The following EDA variants were observed in gnomAD, a reference collection of about 807,000 sequenced individuals.
The protein encoded by EDA is ectodysplasin-A.
A neutral mutation model predicts 23.6 loss-of-function variants in EDA; 2 were observed. That is an observed-to-expected ratio of 0.08 (90% CI 0.03 to 0.27). The LOEUF is 0.27. Ranked by LOEUF, EDA falls within the 10% of genes least tolerant of loss-of-function variation. The pLI is 1.00. For synonymous variants in EDA, 131 were observed against 132.0 expected (o/e 0.99, Z 0.05); for missense variants, 229 against 324.2 (o/e 0.71, Z 2.26).
At position 69,919,426 on chromosome X, in the gene EDA, G is replaced by A. The variant is rs192333532; in HGVS notation, c.397-37601G>A. Among the ~76,000 whole-genome samples, 14 of 112,289 alleles carry A rather than the reference G, an allele frequency of 1.2e-4. No homozygotes were observed. The East Asian group carries it at 3.9e-3, about 31-fold the overall frequency. On this transcript the variant is annotated intron_variant, in intron 1 of 7. Coordinates refer to ENST00000374552, the MANE Select transcript of EDA (RefSeq NM_001399.5). ...ACACTGGCAGATACTTATAACATTA[G>A]TCTCATCCAGATTAACAAGTATGTG...
intron 1 of EDA, among the ~76,000 whole-genome samples, chrX:69,710,868 C>T (rs1206896747): frequency 1.8e-5 from 2 of 111,821 alleles, no homozygotes; most frequent in African/African-American, 3.3e-5. Context: ...GCTGAAGTTG[C>T]CTATCAGCTT....
chrX:69,897,671 T>G (rs1457644056), intron 1 of EDA, among the ~76,000 whole-genome samples: 1 of 111,892 alleles, frequency 8.9e-6, no homozygotes, highest in Non-Finnish European at 1.9e-5. Context: ...AATGAGTCCC[T>G]TGGGTAACAT....
At chrX:70,006,581 T>A (rs149663146) in intron 2 of EDA, among the ~76,000 whole-genome samples, 1 of 111,805 alleles carries the variant, frequency 8.9e-6, no homozygotes, top group Non-Finnish European at 1.9e-5. Context: ...TTTTTCTGAT[T>A]TTTGAGTTTT....
At chrX:69,822,687 A>AT (rs1307309997) in intron 1 of EDA, among the ~76,000 whole-genome samples, 1 of 111,271 alleles carries the variant, frequency 9.0e-6, no homozygotes, top group Admixed American at 9.6e-5. Context: ...ATGTTATTCT[A>AT]TTTTTTTAAT....
intron 1 of EDA, among the ~76,000 whole-genome samples, chrX:69,728,862 A>C (rs1336916534): frequency 9.0e-6 from 1 of 111,644 alleles, no homozygotes; most frequent in Non-Finnish European, 1.9e-5. Context: ...CCCATAAATA[A>C]TGAATGGTTT....
At chrX:69,907,890 A>G (rs756881883) in intron 1 of EDA, among the ~76,000 whole-genome samples, 1 of 111,694 alleles carries the variant, frequency 9.0e-6, no homozygotes, top group Admixed American at 9.5e-5. Context: ...AAAAGAAAAA[A>G]AAATCTAGAG....
chrX:70,000,957 G>A (rs1161264186), intron 2 of EDA, among the ~76,000 whole-genome samples: 1 of 111,881 alleles, frequency 8.9e-6, no homozygotes, highest in Non-Finnish European at 1.9e-5. Context: ...TGAGTATAAT[G>A]TATAGAGGAT....
At chrX:69,741,004 C>CAT in intron 1 of EDA, among the ~76,000 whole-genome samples, 1 of 108,837 alleles carries the variant, frequency 9.2e-6, no homozygotes, top group Non-Finnish European at 1.9e-5. Flanking sequence ...TTTTCTATTT[C>CAT]ATATATATAG....
chrX:69,783,059 G>A (rs151101687), intron 1 of EDA, among the ~76,000 whole-genome samples: 83 of 111,147 alleles, frequency 7.5e-4, no homozygotes, highest in African/African-American at 2.6e-3. Flanking sequence ...TATATCTGTA[G>A]GTCAATAAAG....
At chrX:69,829,184 G>A (rs1235499550) in intron 1 of EDA, among the ~76,000 whole-genome samples, 1 of 112,107 alleles carries the variant, frequency 8.9e-6, no homozygotes, top group African/African-American at 3.2e-5. Flanking sequence ...TTGTTCATAG[G>A]TAAATCCCTA....
At chrX:69,886,890 C>T (rs1038434891) in intron 1 of EDA, among the ~76,000 whole-genome samples, 12 of 111,863 alleles carry the variant, frequency 1.1e-4, no homozygotes, top group African/African-American at 3.9e-4. Flanking sequence ...AATCAGTCTG[C>T]AAAGACTGAA....
intron 1 of EDA, among the ~76,000 whole-genome samples, chrX:69,826,382 C>A: frequency 9.2e-6 from 1 of 109,131 alleles, no homozygotes; most frequent in East Asian, 2.9e-4. Flanking sequence ...TCTGGGTGCT[C>A]CTGTATTGGG....
At chrX:69,692,560 C>T (rs1308823999) in intron 1 of EDA, among the ~76,000 whole-genome samples, 2 of 111,910 alleles carry the variant, frequency 1.8e-5, no homozygotes, top group African/African-American at 6.5e-5. Flanking sequence ...TATTAAACAT[C>T]TCCAAGCTTC....
chrX:69,766,676 T>A (rs1041136333), intron 1 of EDA, among the ~76,000 whole-genome samples: 2 of 112,520 alleles, frequency 1.8e-5, no homozygotes, highest in African/African-American at 6.5e-5. Flanking sequence ...CCACACTTTC[T>A]TAATCCAGTC....
At chrX:69,852,088 G>T (rs1186816847) in intron 1 of EDA, among the ~76,000 whole-genome samples, 1 of 112,046 alleles carries the variant, frequency 8.9e-6, no homozygotes, top group Non-Finnish European at 1.9e-5. Flanking sequence ...GGAGATCTTT[G>T]TGTGCCCTCC....
intron 1 of EDA, among the ~76,000 whole-genome samples, chrX:69,797,689 A>G (rs1449891191): frequency 1.8e-5 from 2 of 111,697 alleles, no homozygotes; most frequent in Non-Finnish European, 3.8e-5. Context: ...GCAGAGAAAC[A>G]GCTCAAACGG....
chrX:69,886,111 C>G (rs1332919325), intron 1 of EDA, among the ~76,000 whole-genome samples: 1 of 112,018 alleles, frequency 8.9e-6, no homozygotes, highest in Non-Finnish European at 1.9e-5. Flanking sequence ...TGAGAGCAAT[C>G]CTTCCCACAC....
At chrX:69,947,322 T>C (rs1249293703) in intron 1 of EDA, among the ~76,000 whole-genome samples, 1 of 112,370 alleles carries the variant, frequency 8.9e-6, no homozygotes, top group African/African-American at 3.2e-5. Flanking sequence ...TTTTTTTTAT[T>C]TGTGTCTGCA....
At chrX:69,870,332 A>G (rs777819406) in intron 1 of EDA, among the ~76,000 whole-genome samples, 1 of 111,248 alleles carries the variant, frequency 9.0e-6, no homozygotes, top group African/African-American at 3.3e-5. Flanking sequence ...TATATTAATT[A>G]GAGAACTCAA....
Sources: allele counts gnomAD v4.1 joint callset (sites outside exome capture counted in the v4.1 genomes callset), GRCh38; gene constraint gnomAD v4.1.1; transcripts MANE v1.5; gene names NCBI Gene and HGNC (gene_info 2026-07-23, HGNC 2026-07-21).